Variants in ACSS3 observed in about 807,000 individuals in gnomAD.
ACSS3 encodes the protein acyl-CoA synthetase short-chain family member 3, mitochondrial.
A neutral mutation model predicts 84.2 loss-of-function variants in ACSS3; 64 were observed. The ratio of observed to expected loss-of-function variants is 0.76; its 90% CI spans 0.62 to 0.94. The LOEUF is 0.94. Among genes scored for constraint, ACSS3 ranks in the 40% least tolerant of loss-of-function variants. The pLI is 0.00. For missense variants in ACSS3, 815 were observed against 867.6 expected (o/e 0.94, Z 0.76); for synonymous variants, 317 against 310.1 (o/e 1.02, Z -0.23).
At chr12:81,221,924 A>C (rs1368485147) in intron 11 of ACSS3, among the ~76,000 whole-genome samples, 1 of 152,098 alleles carries the variant, frequency 6.6e-6, no homozygotes, top group Non-Finnish European at 1.5e-5. Context: ...CAGAGGTGGC[A>C]TTTGATGCCA....
At chr12:81,212,828 G>A (rs1434888718) in intron 9 of ACSS3, among the ~76,000 whole-genome samples, 1 of 152,164 alleles carries the variant, frequency 6.6e-6, no homozygotes, top group Admixed American at 6.5e-5. Flanking sequence ...AAGATACCAT[G>A]AAGTTTGTCC....
intron 1 of ACSS3, among the ~76,000 whole-genome samples, chr12:81,078,695 T>C (rs942430024): frequency 7.2e-5 from 11 of 151,974 alleles, no homozygotes; most frequent in Non-Finnish European, 1.6e-4. Context: ...GCTTTGGCAG[T>C]GGGAATAGTA....
intron 4 of ACSS3, among the ~76,000 whole-genome samples, chr12:81,139,639 A>C (rs865898810): frequency 8.8e-6 from 1 of 113,806 alleles, no homozygotes; most frequent in African/African-American, 2.9e-5. Context: ...AATAATAATT[A>C]TTGTTATTTT....
At chr12:81,109,981 C>G (rs1218702996) in intron 2 of ACSS3, among the ~76,000 whole-genome samples, 1 of 152,160 alleles carries the variant, frequency 6.6e-6, no homozygotes, top group Non-Finnish European at 1.5e-5. Flanking sequence ...CTGGTCTTTA[C>G]TCTTCATCCA....
intron 2 of ACSS3, among the ~76,000 whole-genome samples, chr12:81,113,927 T>A (rs1387528039): frequency 6.6e-6 from 1 of 152,110 alleles, no homozygotes; most frequent in Non-Finnish European, 1.5e-5. Context: ...ATATTAAGCC[T>A]CAGTGAAATA....
chr12:81,211,167 A>T (rs1378995855), intron 9 of ACSS3, among the ~76,000 whole-genome samples: 1 of 152,058 alleles, frequency 6.6e-6, no homozygotes, highest in Non-Finnish European at 1.5e-5. Flanking sequence ...TTTTTGTAAG[A>T]TGGGGTTTCA....
At chr12:81,146,750 C>T (rs1017813296) in intron 5 of ACSS3, among the ~76,000 whole-genome samples, 1 of 152,096 alleles carries the variant, frequency 6.6e-6, no homozygotes, top group Non-Finnish European at 1.5e-5. Context: ...TAGTTCAAAG[C>T]ACTACATGAT....
intron 8 of ACSS3, among the ~76,000 whole-genome samples, chr12:81,178,537 C>T (rs768090637): frequency 5.9e-5 from 9 of 151,964 alleles, no homozygotes; most frequent in Non-Finnish European, 1.2e-4. Context: ...AAAATGCCAT[C>T]CCATTCACAT....
At chr12:81,140,450 T>G (rs1886037364) in intron 4 of ACSS3, among the ~76,000 whole-genome samples, 1 of 152,204 alleles carries the variant, frequency 6.6e-6, no homozygotes, top group African/African-American at 2.4e-5. Flanking sequence ...TGCAATTAAT[T>G]TATAGAACTC....
intron 2 of ACSS3, among the ~76,000 whole-genome samples, chr12:81,113,949 TA>T (rs377018813): frequency 1.6e-4 from 24 of 152,108 alleles, no homozygotes; most frequent in African/African-American, 5.8e-4. Context: ...AAGGTATGTG[TA>T]AGAGTGTATT....
intron 9 of ACSS3, among the ~76,000 whole-genome samples, chr12:81,202,875 T>C (rs2032171628): frequency 6.6e-6 from 1 of 152,210 alleles, no homozygotes; most frequent in South Asian, 2.1e-4. Context: ...TATATGACCA[T>C]GTTTTGTTAA....
chr12:81,225,012 T>G (rs2033225817), intron 11 of ACSS3, among the ~76,000 whole-genome samples: 1 of 151,956 alleles, frequency 6.6e-6, no homozygotes, highest in African/African-American at 2.4e-5. Flanking sequence ...TCTCTTACTG[T>G]GCCTAATTTA....
At chr12:81,155,018 C>T (rs530687691) in intron 7 of ACSS3, among the ~76,000 whole-genome samples, 1 of 152,104 alleles carries the variant, frequency 6.6e-6, no homozygotes, top group Non-Finnish European at 1.5e-5. Flanking sequence ...CCGTTGCTTT[C>T]GAGCATATGT....
intron 7 of ACSS3, among the ~76,000 whole-genome samples, chr12:81,163,481 G>C (rs557797398): frequency 1.5e-4 from 23 of 152,208 alleles, no homozygotes; most frequent in Non-Finnish European, 3.2e-4. Context: ...ACAAACGACT[G>C]TGGCTGGTTT....
rs2121556010 is a variant in ACSS3, at chr12:81,134,875, T to C, written c.516T>C (p.Val172=). ...KHGIKKGDTV[V]IYMPMIPQAM... ...GCATCAAGAAAGGTGACACTGTGGT[T>C]ATCTACATGCCTATGATCCCACAGG... is the stretch of plus-strand genomic sequence containing the variant. Residue 172 remains valine (V), a synonymous_variant, in exon 3 of 16, where the codon GTT becomes GTC. Transcript: ENST00000548058. The C allele has an allele frequency of 6.3e-7, 1 of 1,599,662 alleles. No homozygotes were observed. The highest frequency in any genetic ancestry group is 1.1e-5 in the South Asian group (1 of 88,088).
intron 10 of ACSS3, among the ~76,000 whole-genome samples, chr12:81,217,840 A>C (rs1201015617): frequency 6.6e-6 from 1 of 152,230 alleles, no homozygotes; most frequent in Admixed American, 6.5e-5. Context: ...TCTGTCTCAA[A>C]AAATAAATAA....
chr12:81,203,091 C>T (rs1362285344), intron 9 of ACSS3, among the ~76,000 whole-genome samples: 2 of 152,126 alleles, frequency 1.3e-5, no homozygotes, highest in African/African-American at 4.8e-5. Flanking sequence ...AATGATGTCA[C>T]TCTTAGTTTA....
intron 2 of ACSS3, among the ~76,000 whole-genome samples, chr12:81,127,169 T>C (rs181767981): frequency 3.9e-5 from 6 of 151,968 alleles, no homozygotes; most frequent in Non-Finnish European, 8.8e-5. Flanking sequence ...TGGCTTAGCA[T>C]AATATCATCT....
At chr12:81,194,389 T>A (rs1346727730) in intron 8 of ACSS3, among the ~76,000 whole-genome samples, 1 of 151,854 alleles carries the variant, frequency 6.6e-6, no homozygotes, top group Non-Finnish European at 1.5e-5. Flanking sequence ...AACAATAACT[T>A]TTTGATAGTT....
Sources: gnomAD v4.1 joint callset for allele counts (sites outside exome capture counted in the v4.1 genomes callset) on GRCh38, gnomAD v4.1.1 for gene constraint, MANE v1.5 for transcripts, NCBI Gene and HGNC (gene_info 2026-07-23, HGNC 2026-07-21) for gene names.